TPD52: variants seen among roughly 807,000 people sequenced by gnomAD.
TPD52 encodes the protein tumor protein D52.
TPD52 carries 17 observed loss-of-function variants against 31.3 expected under a neutral mutation model. That is an observed-to-expected ratio of 0.54 (90% CI 0.37 to 0.82). The LOEUF is 0.82. TPD52 is among the 40% of genes least tolerant of loss of function. TPD52 has a pLI of 0.00. For missense variants in TPD52, 212 were observed against 240.1 expected (o/e 0.88, Z 0.77); for synonymous variants, 83 against 89.6 (o/e 0.93, Z 0.42).
chr8:80,059,355 T>G (rs1013503989), intron 2 of TPD52, among the ~76,000 whole-genome samples: 9 of 151,936 alleles, frequency 5.9e-5, no homozygotes, highest in Admixed American at 2.0e-4. Flanking sequence ...AAAAAAAATC[T>G]CAATAACCTA....
At chr8:80,069,031 T>C (rs991197322) in intron 1 of TPD52, among the ~76,000 whole-genome samples, 1 of 152,156 alleles carries the variant, frequency 6.6e-6, no homozygotes, top group Non-Finnish European at 1.5e-5. Flanking sequence ...TTACTCCAAG[T>C]TGAATAGCAA....
intron 3 of TPD52, chr8:80,052,637 C>T: frequency 7.8e-7 from 1 of 1,289,054 alleles, no homozygotes; most frequent in Non-Finnish European, 1.0e-6. Flanking sequence ...ATACAGAAGA[C>T]AGAGCAGTTC....
intron 1 of TPD52, among the ~76,000 whole-genome samples, chr8:80,123,567 G>T (rs1808403032): frequency 6.6e-6 from 1 of 152,300 alleles, no homozygotes. Context: ...TCTATGAAAA[G>T]AAATACTACT....
At chr8:80,146,373 A>G (rs1318557997) in intron 1 of TPD52, among the ~76,000 whole-genome samples, 10 of 152,262 alleles carry the variant, frequency 6.6e-5, no homozygotes, top group Non-Finnish European at 1.5e-4. Context: ...AAAAAGACTT[A>G]GAAAAACTGG....
At chr8:80,135,594 A>G (rs972678221) in intron 1 of TPD52, among the ~76,000 whole-genome samples, 19 of 151,860 alleles carry the variant, frequency 1.3e-4, no homozygotes. Flanking sequence ...GGGATCTAGA[A>G]CTGGAAATAC....
chr8:80,142,221 C>T (rs1240556117), intron 1 of TPD52, among the ~76,000 whole-genome samples: 1 of 152,198 alleles, frequency 6.6e-6, no homozygotes, highest in Non-Finnish European at 1.5e-5. Flanking sequence ...TAACCATGAG[C>T]TCCCAAAGGC....
downstream of TPD52, among the ~76,000 whole-genome samples, chr8:80,031,441 T>C (rs781522763): frequency 1.3e-5 from 2 of 152,236 alleles, no homozygotes; most frequent in African/African-American, 2.4e-5. Flanking sequence ...TAAAACTGTT[T>C]ATCTCCCGAG....
At position 80,123,177 on chromosome 8, in the gene TPD52, G is replaced by T. The variant is rs1310914373; in HGVS notation, c.19+48248C>A. 3 of 152,254 alleles carry T rather than the reference G, an allele frequency of 2.0e-5. No individual in the cohort carries two copies. The East Asian group carries it at 5.8e-4, about 29-fold the overall frequency. The allele number at this position is 152,254 out of a possible 1,614,324, so 9.4% of individuals were successfully genotyped here. Reference sequence around the variant, plus strand: ...GTCTGCATCTTAGATGAGTCTCTCTGGTGACTGTGGAGGACCAATTTGAAA... The same window carrying T: ...GTCTGCATCTTAGATGAGTCTCTCTTGTGACTGTGGAGGACCAATTTGAAA... On this transcript the variant is annotated intron_variant, in intron 1 of 7. Transcript: ENST00000518937.
intron 1 of TPD52, among the ~76,000 whole-genome samples, chr8:80,139,381 CA>C (rs2131132758): frequency 6.6e-6 from 1 of 151,952 alleles, no homozygotes; most frequent in South Asian, 2.1e-4. Context: ...AAGAAACCCA[CA>C]TCCATCAGCA....
intron 1 of TPD52, among the ~76,000 whole-genome samples, chr8:80,086,179 G>C (rs543314505): frequency 2.4e-4 from 31 of 131,690 alleles, no homozygotes; most frequent in African/African-American, 9.4e-4. Flanking sequence ...GTGCAGTGTC[G>C]TGATCTTGAC....
At chr8:80,101,173 C>T (rs1019857118) in intron 1 of TPD52, among the ~76,000 whole-genome samples, 2 of 152,134 alleles carry the variant, frequency 1.3e-5, no homozygotes, top group African/African-American at 4.8e-5. Flanking sequence ...TAAGGCCGGG[C>T]GCGGTGGCTC....
intron 2 of TPD52, among the ~76,000 whole-genome samples, chr8:80,056,857 A>C (rs1162879857): frequency 2.0e-5 from 3 of 152,168 alleles, no homozygotes; most frequent in African/African-American, 7.2e-5. Flanking sequence ...TCCTAGGTAT[A>C]TATAACAAAG....
intron 1 of TPD52, among the ~76,000 whole-genome samples, chr8:80,082,615 G>A (rs997587552): frequency 6.6e-6 from 1 of 152,192 alleles, no homozygotes; most frequent in African/African-American, 2.4e-5. Flanking sequence ...GCCTGTCAAA[G>A]TTATTCATCC....
rs1307741274 is a variant in TPD52, at chr8:80,121,731, C to A, written c.19+49694G>T. On this transcript the variant is annotated intron_variant, in intron 1 of 7. Coordinates refer to ENST00000518937, the MANE Select transcript of TPD52 (RefSeq NM_001025253.3). Reference sequence around the variant, plus strand: ...TCCAAGCCCAGGCCTAACCAAGTGGCCTTCACGACGCAAAACCTGCATCGG... The same window carrying A: ...TCCAAGCCCAGGCCTAACCAAGTGGACTTCACGACGCAAAACCTGCATCGG... 5.3e-5 allele frequency among the ~76,000 whole-genome samples: 8 copies of A among 152,178 alleles called. No individual in the cohort carries two copies. The South Asian group carries it at 1.7e-3, about 32-fold the overall frequency.
At chr8:80,140,379 C>T (rs61442307) in intron 1 of TPD52, among the ~76,000 whole-genome samples, 19,353 of 152,196 alleles carry the variant, frequency 0.13, 1,627 homozygotes, top group African/African-American at 0.23. Context: ...TTATTAGAAC[C>T]GGAACCACTG....
intron 1 of TPD52, among the ~76,000 whole-genome samples, chr8:80,122,634 A>T (rs964495168): frequency 3.9e-5 from 6 of 152,226 alleles, no homozygotes; most frequent in Non-Finnish European, 5.9e-5. Context: ...TACCCAAAGT[A>T]CATCAAACTG....
intron 1 of TPD52, among the ~76,000 whole-genome samples, chr8:80,070,472 C>CCACCT (rs1000831834): frequency 1.3e-5 from 2 of 152,102 alleles, no homozygotes; most frequent in African/African-American, 4.8e-5. Context: ...GGAAACTGTT[C>CCACCT]CACCTCAGAT....
At chr8:80,140,902 C>T (rs1397855566) in intron 1 of TPD52, among the ~76,000 whole-genome samples, 2 of 150,804 alleles carry the variant, frequency 1.3e-5, no homozygotes, top group Non-Finnish European at 2.9e-5. Flanking sequence ...TCTGTCATAC[C>T]GGCAGGAAGA....
chr8:80,072,814 T>TATAA (rs1814080412), intron 1 of TPD52, among the ~76,000 whole-genome samples: 2 of 150,686 alleles, frequency 1.3e-5, no homozygotes, highest in African/African-American at 5.0e-5. Context: ...TATATATATA[T>TATAA]AAACTTGGCC....
Sources: gnomAD v4.1 joint callset for allele counts (sites outside exome capture counted in the v4.1 genomes callset) on GRCh38, gnomAD v4.1.1 for gene constraint, MANE v1.5 for transcripts, NCBI Gene and HGNC (gene_info 2026-07-23, HGNC 2026-07-21) for gene names.